Variants in ASPRV1 observed in about 807,000 individuals in gnomAD.
The protein encoded by ASPRV1 is aspartic peptidase retroviral like 1, also known as retroviral-like aspartic protease 1.
Under a neutral mutation model 11.0 loss-of-function variants are expected in ASPRV1, and 7 were observed. The ratio of observed to expected loss-of-function variants is 0.64; its 90% CI spans 0.36 to 1.20. ASPRV1 has a LOEUF of 1.20. ASPRV1 is among the 50% of genes most tolerant of loss of function. The pLI is 0.02. For synonymous variants in ASPRV1, 136 were observed against 138.4 expected, an observed-to-expected ratio of 0.98 and a Z score of 0.12; for missense variants, 299 against 320.0, an observed-to-expected ratio of 0.93 and a Z score of 0.50.
At chr2:70,085,438 A>C in the ASPRV1 span, 1 of 152,204 alleles carries the variant, frequency 6.6e-6, no homozygotes, top group Non-Finnish European at 1.5e-5. Flanking sequence ...ACTGCACAAC[A>C]AAAGATTACC....
chr2:70,043,291 G>A, the ASPRV1 span, among the ~76,000 whole-genome samples: 3 of 152,164 alleles, frequency 2.0e-5, no homozygotes, highest in Non-Finnish European at 2.9e-5. Context: ...GGTGGTGCGC[G>A]CCTGTAATCC....
chr2:69,961,699 T>C (rs1279640076), upstream of ASPRV1: 1 of 1,527,788 alleles, frequency 6.5e-7, no homozygotes, highest in Middle Eastern at 2.3e-4. Flanking sequence ...TCTCCTTTGT[T>C]CTGGAAGCTC....
the ASPRV1 span, among the ~76,000 whole-genome samples, chr2:70,022,205 C>T: frequency 3.3e-5 from 5 of 150,692 alleles, no homozygotes; most frequent in Admixed American, 2.0e-4. Context: ...TTAGTAGAGA[C>T]GGGGTTTCAC....
At chr2:70,002,648 T>C in the ASPRV1 span, among the ~76,000 whole-genome samples, 2 of 152,376 alleles carry the variant, frequency 1.3e-5, no homozygotes, top group Non-Finnish European at 2.9e-5. Flanking sequence ...GCCAATCCTG[T>C]GGCATCCTGT....
At chr2:70,052,310 A>T in the ASPRV1 span, among the ~76,000 whole-genome samples, 5 of 152,186 alleles carry the variant, frequency 3.3e-5, no homozygotes, top group African/African-American at 7.2e-5. Flanking sequence ...ACTGAACTAT[A>T]ATTCAGCCCT....
Position 69,960,962 on chromosome 2 carries a change from C to G in ASPRV1, c.475G>C (p.Val159Leu), listed in dbSNP as rs147879189. 1 of 1,614,098 alleles carries G rather than the reference C, an allele frequency of 6.2e-7. No homozygotes were observed. Among genetic ancestry groups the G allele is most frequent in the African/African-American group, 1.3e-5 (1 of 75,030 alleles). ...ATTTCAGCACCATTGGCCACCTTTA[C>G]CACATTCTCAAAGGGCTGCAGGGTG... ...LDTLQPFENV[V>L]KVANGAEMKI... The change falls in exon 1 of 1, where the codon GTA becomes CTA. Residue 159 changes from valine to leucine, a missense_variant. Coordinates refer to ENST00000320256, the MANE Select transcript of ASPRV1 (RefSeq NM_152792.4).
chr2:69,991,211 T>C, the ASPRV1 span, among the ~76,000 whole-genome samples: 2 of 152,250 alleles, frequency 1.3e-5, no homozygotes, highest in East Asian at 3.9e-4. Flanking sequence ...ACACGGGCAG[T>C]TGGCCCAAGA....
the ASPRV1 span, among the ~76,000 whole-genome samples, chr2:70,033,951 A>G: frequency 2.0e-5 from 3 of 151,568 alleles, no homozygotes; most frequent in African/African-American, 4.8e-5. Flanking sequence ...TCAGGAGATC[A>G]AGACCATCCT....
the ASPRV1 span, among the ~76,000 whole-genome samples, chr2:69,954,906 GAC>G: frequency 6.6e-6 from 1 of 152,176 alleles, no homozygotes; most frequent in Non-Finnish European, 1.5e-5. Flanking sequence ...AACTCCTAGA[GAC>G]AGGAAGAGCA....
chr2:70,043,422 T>TA, the ASPRV1 span, among the ~76,000 whole-genome samples: 1 of 150,418 alleles, frequency 6.6e-6, no homozygotes, highest in Non-Finnish European at 1.5e-5. Context: ...AGTCTCGCAT[T>TA]TAAAAAAAAA....
At chr2:69,949,940 C>G in the ASPRV1 span, among the ~76,000 whole-genome samples, 1 of 152,154 alleles carries the variant, frequency 6.6e-6, no homozygotes. Flanking sequence ...CTCAGCCTCC[C>G]GAGTAGCTGG....
the ASPRV1 span, among the ~76,000 whole-genome samples, chr2:70,065,663 A>T: frequency 1.1e-3 from 166 of 151,530 alleles, no homozygotes; most frequent in African/African-American, 3.7e-3. Context: ...TCTACAAAAA[A>T]TTTTTTTAAA....
chr2:70,024,450 G>C, the ASPRV1 span, among the ~76,000 whole-genome samples: 1 of 152,176 alleles, frequency 6.6e-6, no homozygotes, highest in Non-Finnish European at 1.5e-5. Context: ...AGAGAACAGA[G>C]AGGGGCCGGT....
chr2:70,062,210 C>T, the ASPRV1 span, among the ~76,000 whole-genome samples: 1 of 151,150 alleles, frequency 6.6e-6, no homozygotes, highest in South Asian at 2.1e-4. Context: ...GAGGTTGAGG[C>T]AGGAGAACTG....
the ASPRV1 span, chr2:70,018,214 A>T: frequency 6.6e-6 from 1 of 152,050 alleles, no homozygotes; most frequent in Non-Finnish European, 1.5e-5. Flanking sequence ...AATTTAATCA[A>T]GGAAATGAAA....
chr2:69,990,433 C>T, the ASPRV1 span, among the ~76,000 whole-genome samples: 2 of 152,118 alleles, frequency 1.3e-5, no homozygotes, highest in African/African-American at 4.8e-5. Flanking sequence ...ATCCTCCCAC[C>T]TCAGCCTCCC....
the ASPRV1 span, chr2:69,988,481 G>C: frequency 3.6e-6 from 1 of 281,502 alleles, no homozygotes; most frequent in Non-Finnish European, 7.1e-6. Context: ...CATAGAGACA[G>C]AAAGTACAGC....
At chr2:70,033,389 C>T in the ASPRV1 span, among the ~76,000 whole-genome samples, 1 of 151,852 alleles carries the variant, frequency 6.6e-6, no homozygotes, top group Non-Finnish European at 1.5e-5. Context: ...GGGGTTATTA[C>T]CACACTGCTT....
At chr2:70,086,510 C>CA in the ASPRV1 span, 1 of 151,550 alleles carries the variant, frequency 6.6e-6, no homozygotes, top group Admixed American at 6.8e-5. Flanking sequence ...CGGGCCCTGA[C>CA]GGGGCCGCCC....
Sources: gnomAD v4.1 joint callset for allele counts (sites outside exome capture counted in the v4.1 genomes callset) on GRCh38, gnomAD v4.1.1 for gene constraint, MANE v1.5 for transcripts, NCBI Gene and HGNC (gene_info 2026-07-23, HGNC 2026-07-21) for gene names.